The following TXLNB variants were observed in gnomAD, a reference collection of about 807,000 sequenced individuals.
The protein encoded by TXLNB is taxilin beta, also known as beta-taxilin.
In TXLNB, 37 loss-of-function variants were observed where a neutral mutation model predicts 57.4. That is an observed-to-expected ratio of 0.64 (90% CI 0.50 to 0.85). TXLNB has a LOEUF of 0.85. Among genes scored for constraint, TXLNB ranks in the 40% least tolerant of loss-of-function variants. TXLNB has a pLI of 0.00. For missense variants in TXLNB, 848 were observed against 825.6 expected, an observed-to-expected ratio of 1.03 and a Z score of -0.33; for synonymous variants, 302 against 309.6, an observed-to-expected ratio of 0.98 and a Z score of 0.26.
chr6:139,283,576 CAA>C lies in TXLNB; in HGVS notation c.424+4898_424+4899del, dbSNP rs34392544. 5.2e-3 allele frequency among the ~76,000 whole-genome samples: 347 copies of C among 66,272 alleles called. 20 individuals are homozygous for C. In the East Asian group the frequency reaches 0.063, roughly 12 times the overall value. 43.5% of individuals were successfully genotyped at this position (66,272 alleles called of 152,430 possible). A position where few individuals can be genotyped will look rare whatever the true frequency, so the allele number is the denominator to read the frequency against. ...GGGCAATGAGAGCGAAACTCCGTCT[CAA>C]AAAAAAAAAAAAAAAATGTCTCTCA... On this transcript the variant is annotated intron_variant, in intron 2 of 9. Coordinates refer to ENST00000358430, the MANE Select transcript of TXLNB (RefSeq NM_153235.4).
At chr6:139,234,593 G>T in the TXLNB span, 2 of 152,314 alleles carry the variant, frequency 1.3e-5, no homozygotes, top group Non-Finnish European at 2.9e-5. Flanking sequence ...CAGAAGTCAA[G>T]AATTAAGGTT....
In TXLNB at chr6:139,243,044, G is replaced by T; in HGVS notation, c.1537C>A (p.Pro513Thr). The T allele has an allele frequency of 1.2e-6, 2 of 1,614,148 alleles. No individual in the cohort carries two copies. Among genetic ancestry groups the T allele is most frequent in the Non-Finnish European group, 1.7e-6 (2 of 1,180,022 alleles). Reference protein sequence around the residue: ...LATAFMIIHHPESTPHQSKET... With the variant: ...LATAFMIIHHTESTPHQSKET... ...TTGGACTGGTGCGGGGTTGACTCTGGATGATGAATTATCATGAAGGCTGTG... is the reference window on the plus strand; with the variant it reads ...TTGGACTGGTGCGGGGTTGACTCTGTATGATGAATTATCATGAAGGCTGTG... Residue 513 changes from proline to threonine, a missense_variant, in exon 10 of 10, where the codon CCA becomes ACA. Physicochemically the swap from Pro to Thr is conservative, Grantham distance 38 (BLOSUM62 -1). Coordinates refer to ENST00000358430, the MANE Select transcript of TXLNB (RefSeq NM_153235.4).
chr6:139,279,902 A>C (rs948601794), intron 2 of TXLNB, among the ~76,000 whole-genome samples: 1 of 152,200 alleles, frequency 6.6e-6, no homozygotes, highest in Admixed American at 6.5e-5. Flanking sequence ...CCTGTGTAGC[A>C]GACACAGCGC....
the TXLNB span, among the ~76,000 whole-genome samples, chr6:139,319,905 T>G: frequency 1.3e-5 from 2 of 152,118 alleles, no homozygotes; most frequent in African/African-American, 4.8e-5. Flanking sequence ...GGATTAGCAA[T>G]ACACAGCATA....
the TXLNB span, among the ~76,000 whole-genome samples, chr6:139,207,268 A>G: frequency 1.3e-5 from 2 of 152,238 alleles, no homozygotes. Context: ...GAAAGTCAAA[A>G]TCATATCAAG....
At chr6:139,229,215 A>T in the TXLNB span, among the ~76,000 whole-genome samples, 1 of 152,196 alleles carries the variant, frequency 6.6e-6, no homozygotes, top group Non-Finnish European at 1.5e-5. Flanking sequence ...CCATATTGAC[A>T]GTTTCTGAGT....
At chr6:139,182,451 A>G in the TXLNB span, among the ~76,000 whole-genome samples, 3,039 of 152,294 alleles carry the variant, frequency 0.02, 106 homozygotes, top group African/African-American at 0.069. Flanking sequence ...ATGGAAGAAA[A>G]TTGTTACTTC....
intron 2 of TXLNB, among the ~76,000 whole-genome samples, chr6:139,277,771 T>C (rs1372569508): frequency 1.3e-5 from 2 of 152,190 alleles, no homozygotes; most frequent in African/African-American, 4.8e-5. Flanking sequence ...TGGGGCATTT[T>C]TCCCATCCCT....
chr6:139,253,100 TAATA>T (rs754794562), intron 7 of TXLNB, among the ~76,000 whole-genome samples: 1 of 152,164 alleles, frequency 6.6e-6, no homozygotes, highest in Non-Finnish European at 1.5e-5. Context: ...ATACACTAAT[TAATA>T]GTCAAGCAGA....
At chr6:139,206,795 G>A in the TXLNB span, among the ~76,000 whole-genome samples, 2 of 152,132 alleles carry the variant, frequency 1.3e-5, no homozygotes, top group African/African-American at 2.4e-5. Flanking sequence ...AGGTAAAGGG[G>A]TGGAAAAAGA....
the TXLNB span, among the ~76,000 whole-genome samples, chr6:139,230,187 G>C: frequency 6.6e-6 from 1 of 152,160 alleles, no homozygotes; most frequent in African/African-American, 2.4e-5. Flanking sequence ...ATGGGCAAGG[G>C]AGAAGCCAGA....
At chr6:139,183,408 A>C in the TXLNB span, 21 of 152,230 alleles carry the variant, frequency 1.4e-4, no homozygotes, top group Admixed American at 1.4e-3. Context: ...TAGTCTGAAG[A>C]GATCGTTGCC....
rs892677079 is a variant in TXLNB at position 139,242,846 on chromosome 6, T to C, written c.1735A>G (p.Asn579Asp). ...SDAEPPSKAS[N>D]SPAGLGAETQ... ...TCTGCTCCCAACCCGGCAGGAGAAT[T>C]ACTGGCCTTGGAGGGAGGTTCAGCA... The change falls in exon 10 of 10, where the codon AAT (asparagine) becomes GAT (aspartate). Residue 579 changes from asparagine (N) to aspartate (D), a missense_variant. By Grantham distance (23) the Asn-to-Asp change is conservative (BLOSUM62 1). Coordinates refer to ENST00000358430, the MANE Select transcript of TXLNB (RefSeq NM_153235.4). The C allele has an allele frequency of 1.2e-6, 2 of 1,614,120 alleles. No homozygotes were observed. The highest frequency in any genetic ancestry group is 1.7e-6 in the Non-Finnish European group (2 of 1,180,010).
At chr6:139,227,807 A>T in the TXLNB span, among the ~76,000 whole-genome samples, 1 of 152,338 alleles carries the variant, frequency 6.6e-6, no homozygotes, top group Non-Finnish European at 1.5e-5. Context: ...CAAAGTAAAA[A>T]CAAAAACAAA....
chr6:139,266,318 A>G (rs992044600), intron 4 of TXLNB, among the ~76,000 whole-genome samples: 1 of 152,220 alleles, frequency 6.6e-6, no homozygotes, highest in African/African-American at 2.4e-5. Flanking sequence ...AACAGGTATT[A>G]TAACTATGGT....
chr6:139,300,103 T>C, the TXLNB span, among the ~76,000 whole-genome samples: 1 of 152,108 alleles, frequency 6.6e-6, no homozygotes, highest in African/African-American at 2.4e-5. Context: ...AAGCCCCTCC[T>C]CCCCTGCTGA....
the TXLNB span, among the ~76,000 whole-genome samples, chr6:139,226,336 G>T: frequency 2.3e-5 from 3 of 131,410 alleles, no homozygotes; most frequent in African/African-American, 5.6e-5. Context: ...AAGAGATAGA[G>T]AGAGAGAGAA....
the TXLNB span, among the ~76,000 whole-genome samples, chr6:139,175,336 G>A: frequency 2.0e-5 from 3 of 152,134 alleles, no homozygotes; most frequent in Non-Finnish European, 2.9e-5. Flanking sequence ...TGGTTTTTTA[G>A]TACAAATAGC....
the TXLNB span, among the ~76,000 whole-genome samples, chr6:139,308,259 G>A: frequency 6.6e-6 from 1 of 152,166 alleles, no homozygotes; most frequent in Non-Finnish European, 1.5e-5. Context: ...TATATAAGAA[G>A]GACAGAGAAA....
Sources: allele counts gnomAD v4.1 joint callset (sites outside exome capture counted in the v4.1 genomes callset), GRCh38; gene constraint gnomAD v4.1.1; transcripts MANE v1.5; gene names NCBI Gene and HGNC (gene_info 2026-07-23, HGNC 2026-07-21).